Variants in DPF3 observed in about 807,000 individuals in gnomAD.
DPF3 encodes zinc finger protein DPF3.
A neutral mutation model predicts 56.8 loss-of-function variants in DPF3; 18 were observed. The observed-to-expected ratio is 0.32, with a 90% CI of 0.22 to 0.47. DPF3 has a LOEUF of 0.47. DPF3 is among the 20% of genes least tolerant of loss of function. The pLI, the probability that DPF3 is intolerant of heterozygous loss-of-function variation, is 1.00. For missense variants in DPF3, 403 were observed against 488.8 expected (o/e 0.82, Z 1.65); for synonymous variants, 188 against 180.2 (o/e 1.04, Z -0.35).
intron 1 of DPF3, among the ~76,000 whole-genome samples, chr14:72,797,878 A>T (rs1392652001): frequency 6.6e-6 from 1 of 152,198 alleles, no homozygotes; most frequent in African/African-American, 2.4e-5. Flanking sequence ...ATATTAAAAA[A>T]TTACCCTTCC....
At position 72,691,938 on chromosome 14, in the gene DPF3, G is replaced by A. The variant is rs569881293; in HGVS notation, c.742+1138C>T. On this transcript the variant is annotated intron_variant, in intron 7 of 10. Transcript: ENST00000556509. Reference sequence around the variant, plus strand: ...TGTGGTTTAAGCCACCCCATCTGTGGGGTTTTCTTATGAGAACCCTAGCAA... The same window carrying A: ...TGTGGTTTAAGCCACCCCATCTGTGAGGTTTTCTTATGAGAACCCTAGCAA... Among the ~76,000 whole-genome samples, 4 of 152,136 alleles carry A rather than the reference G, an allele frequency of 2.6e-5. No homozygotes were observed. In the South Asian group the frequency reaches 8.3e-4, roughly 32 times the overall value.
At chr14:72,815,448 T>C (rs753531380) in intron 1 of DPF3, among the ~76,000 whole-genome samples, 1 of 152,248 alleles carries the variant, frequency 6.6e-6, no homozygotes, top group Non-Finnish European at 1.5e-5. Context: ...AAGTTAAATA[T>C]ACAATTATAT....
intron 1 of DPF3, among the ~76,000 whole-genome samples, chr14:72,873,516 G>A (rs1442125659): frequency 5.3e-5 from 8 of 152,176 alleles, no homozygotes; most frequent in South Asian, 2.1e-4. Context: ...TCAGTGTGGC[G>A]ATTCCTCAGG....
intron 1 of DPF3, among the ~76,000 whole-genome samples, chr14:72,774,279 A>AAC (rs1891667743): frequency 6.6e-6 from 1 of 150,896 alleles, no homozygotes. Context: ...AAAAAAAAAA[A>AAC]AAAAAAAAAA....
intron 1 of DPF3, among the ~76,000 whole-genome samples, chr14:72,788,680 T>A (rs964210532): frequency 6.6e-6 from 1 of 152,202 alleles, no homozygotes; most frequent in Non-Finnish European, 1.5e-5. Context: ...TCCTGACTTC[T>A]GACCTCTGAA....
intron 1 of DPF3, among the ~76,000 whole-genome samples, chr14:72,859,832 G>A (rs939844854): frequency 2.0e-5 from 3 of 151,836 alleles, no homozygotes; most frequent in Non-Finnish European, 4.4e-5. Context: ...TAGGGCCAGG[G>A]GTATATTCAC....
rs139253791 is a variant in DPF3 at position 72,674,044 on chromosome 14, G to A, written c.871+196C>T. 410 of 768,798 alleles carry A rather than the reference G, an allele frequency of 5.3e-4. 2 individuals carry two copies. The highest frequency in any genetic ancestry group is 2.4e-3 in the East Asian group (82 of 34,098). The allele number at this position is 768,798 out of a possible 1,614,324, so 47.6% of individuals were successfully genotyped here. On this transcript the variant is annotated intron_variant, in intron 8 of 10. Transcript: ENST00000556509. Reference sequence around the variant, plus strand: ...AAAACTTCTCTTTGCCCTTTCCCCCGGATCCTAGGGCATAACTTTTGGTTC... The same window carrying A: ...AAAACTTCTCTTTGCCCTTTCCCCCAGATCCTAGGGCATAACTTTTGGTTC...
At chr14:72,743,688 T>C (rs1460928452) in intron 3 of DPF3, among the ~76,000 whole-genome samples, 2 of 152,102 alleles carry the variant, frequency 1.3e-5, no homozygotes, top group Non-Finnish European at 1.5e-5. Flanking sequence ...CAACATCTGC[T>C]GTGCTCCCAG....
chr14:72,781,683 AG>A (rs1180145845), intron 1 of DPF3, among the ~76,000 whole-genome samples: 1 of 125,290 alleles, frequency 8.0e-6, no homozygotes, highest in Non-Finnish European at 1.6e-5. Context: ...GGATAAAAGC[AG>A]TGTGATTCCT....
intron 3 of DPF3, among the ~76,000 whole-genome samples, chr14:72,747,333 T>TG (rs1296871169): frequency 2.6e-5 from 4 of 152,222 alleles, no homozygotes; most frequent in African/African-American, 7.2e-5. Context: ...CAATTGGTTG[T>TG]GGGGGGGTAA....
intron 8 of DPF3, chr14:72,670,001 T>G (rs1272459621): frequency 1.0e-6 from 1 of 985,804 alleles, no homozygotes; most frequent in Non-Finnish European, 1.2e-6. Flanking sequence ...GTCAGTGAGG[T>G]GGGTGGCCTT....
intron 1 of DPF3, among the ~76,000 whole-genome samples, chr14:72,849,333 A>G (rs936998394): frequency 6.6e-6 from 1 of 152,204 alleles, no homozygotes; most frequent in Non-Finnish European, 1.5e-5. Context: ...ACCAGGAGAC[A>G]TGACGGCAGA....
Position 72,775,880 on chromosome 14 carries a change from C to T in DPF3, c.33-3987G>A, listed in dbSNP as rs141475094. Among the ~76,000 whole-genome samples, 385 of 152,038 alleles carry T rather than the reference C, an allele frequency of 2.5e-3. 1 individual carries two copies. The highest frequency in any genetic ancestry group is 4.4e-3 in the Non-Finnish European group (298 of 67,988). On this transcript the variant is annotated intron_variant, in intron 1 of 10. Transcript: ENST00000556509. ...TTAATTAGCCAAAATCGTCACAGGGCTTGCTATGCTCTCTAGAAGAAAATC... is the reference window on the plus strand; with the variant it reads ...TTAATTAGCCAAAATCGTCACAGGGTTTGCTATGCTCTCTAGAAGAAAATC...
chr14:72,884,730 G>C (rs1296875037), intron 1 of DPF3, among the ~76,000 whole-genome samples: 2 of 151,180 alleles, frequency 1.3e-5, no homozygotes, highest in Admixed American at 1.3e-4. Flanking sequence ...CCAGGTAACT[G>C]CTAGTGCTAC....
intron 8 of DPF3, among the ~76,000 whole-genome samples, chr14:72,653,490 C>G (rs1317918584): frequency 6.6e-6 from 1 of 152,202 alleles, no homozygotes; most frequent in Non-Finnish European, 1.5e-5. Context: ...CAAGCTCAGC[C>G]CTTCTCAGGT....
At chr14:72,652,159 G>T (rs1271876971) in intron 8 of DPF3, among the ~76,000 whole-genome samples, 1 of 152,192 alleles carries the variant, frequency 6.6e-6, no homozygotes, top group Admixed American at 6.5e-5. Context: ...CTCTCAGTGA[G>T]CCTGGTTCCC....
chr14:72,866,871 C>G (rs1446737817), intron 1 of DPF3, among the ~76,000 whole-genome samples: 2 of 149,750 alleles, frequency 1.3e-5, no homozygotes, highest in Non-Finnish European at 1.5e-5. Context: ...GTGATCCACC[C>G]GACTCGGCCT....
intron 8 of DPF3, among the ~76,000 whole-genome samples, chr14:72,668,285 C>T (rs1215020722): frequency 1.3e-5 from 2 of 152,210 alleles, no homozygotes; most frequent in African/African-American, 4.8e-5. Flanking sequence ...CACTTAACCT[C>T]TCTGGGTCAA....
At chr14:72,738,296 C>T (rs897569259) in intron 3 of DPF3, among the ~76,000 whole-genome samples, 1 of 152,070 alleles carries the variant, frequency 6.6e-6, no homozygotes, top group African/African-American at 2.4e-5. Flanking sequence ...ACATTGAGGA[C>T]CCATCACCCA....
Sources: allele counts gnomAD v4.1 joint callset (sites outside exome capture counted in the v4.1 genomes callset), GRCh38; gene constraint gnomAD v4.1.1; transcripts MANE v1.5; gene names NCBI Gene and HGNC (gene_info 2026-07-23, HGNC 2026-07-21).